Variants in GPHN observed in about 807,000 individuals in gnomAD.
GPHN encodes gephyrin.
In GPHN, 17 loss-of-function variants were observed where a neutral mutation model predicts 95.5. The observed-to-expected ratio is 0.18, with a 90% CI of 0.12 to 0.27. GPHN has a LOEUF of 0.27. GPHN is among the 10% of genes least tolerant of loss of function. GPHN has a pLI of 1.00. For synonymous variants in GPHN, 320 were observed against 322.5 expected, an observed-to-expected ratio of 0.99 and a Z score of 0.08; for missense variants, 660 against 978.1, an observed-to-expected ratio of 0.67 and a Z score of 4.34.
intron 1 of GPHN, among the ~76,000 whole-genome samples, chr14:66,594,296 C>T (rs1457465006): frequency 7.4e-6 from 1 of 135,728 alleles, no homozygotes; most frequent in Non-Finnish European, 1.5e-5. Context: ...GACATATTCC[C>T]CAGAAATAGA....
chr14:67,391,111 A>G, the GPHN span, among the ~76,000 whole-genome samples: 1 of 152,206 alleles, frequency 6.6e-6, no homozygotes, highest in Non-Finnish European at 1.5e-5. Flanking sequence ...GCACCAGCTA[A>G]GGGCCAAGTC....
At chr14:67,463,638 CAAAAAAA>C in the GPHN span, among the ~76,000 whole-genome samples, 1 of 54,862 alleles carries the variant, frequency 1.8e-5, no homozygotes, top group East Asian at 6.7e-4. Flanking sequence ...GACTCCGTCT[CAAAAAAA>C]AAAAAAAAAA....
the GPHN span, among the ~76,000 whole-genome samples, chr14:67,432,847 G>A: frequency 6.6e-6 from 1 of 152,234 alleles, no homozygotes; most frequent in Non-Finnish European, 1.5e-5. Context: ...GTGGTCGCAT[G>A]TGGTGTTTTC....
chr14:66,750,625 G>C (rs1449693520), intron 2 of GPHN, among the ~76,000 whole-genome samples: 1 of 151,720 alleles, frequency 6.6e-6, no homozygotes, highest in African/African-American at 2.4e-5. Context: ...TTAATTTTTT[G>C]GTAGCAGGAA....
the GPHN span, chr14:67,656,597 A>T: frequency 6.3e-7 from 1 of 1,592,934 alleles, no homozygotes; most frequent in South Asian, 1.1e-5. Context: ...ATTCTGAAAG[A>T]AGTATGGAAG....
intron 18 of GPHN, among the ~76,000 whole-genome samples, chr14:67,156,370 A>G (rs1447288528): frequency 6.6e-6 from 1 of 152,188 alleles, no homozygotes; most frequent in Admixed American, 6.5e-5. Context: ...TATACACACA[A>G]TAGCATGAAA....
intron 13 of GPHN, among the ~76,000 whole-genome samples, chr14:67,101,723 C>CTT (rs1180706876): frequency 6.6e-6 from 1 of 151,580 alleles, no homozygotes; most frequent in Non-Finnish European, 1.5e-5. Flanking sequence ...ATTTTACACT[C>CTT]TTTTAGTTTC....
At chr14:67,432,406 C>T in the GPHN span, among the ~76,000 whole-genome samples, 3 of 152,220 alleles carry the variant, frequency 2.0e-5, no homozygotes, top group Admixed American at 1.3e-4. Flanking sequence ...ATAAATAGTT[C>T]GCCTTCTGCA....
intron 9 of GPHN, chr14:66,985,601 A>G (rs1208313071): frequency 1.2e-6 from 1 of 834,790 alleles, no homozygotes. Context: ...TTTTGCATGT[A>G]TTACTTACTA....
At chr14:67,136,592 C>T (rs898130214) in intron 17 of GPHN, among the ~76,000 whole-genome samples, 1 of 152,034 alleles carries the variant, frequency 6.6e-6, no homozygotes, top group African/African-American at 2.4e-5. Flanking sequence ...TCCAAATGTC[C>T]TCATTTTATA....
the GPHN span, among the ~76,000 whole-genome samples, chr14:67,590,960 G>GA: frequency 6.6e-6 from 1 of 151,836 alleles, no homozygotes; most frequent in African/African-American, 2.4e-5. Context: ...TGTAAATATT[G>GA]AAAAATGTTT....
intron 10 of GPHN, among the ~76,000 whole-genome samples, chr14:67,056,234 G>A (rs555126400): frequency 1.5e-4 from 23 of 152,142 alleles, no homozygotes; most frequent in Middle Eastern, 3.4e-3. Flanking sequence ...TGATTGGTGC[G>A]TTTACAAACC....
chr14:67,490,816 T>C, the GPHN span, among the ~76,000 whole-genome samples: 1 of 152,032 alleles, frequency 6.6e-6, no homozygotes, highest in Admixed American at 6.5e-5. Context: ...CAAATCTCCC[T>C]GTAAAGGAAA....
the GPHN span, among the ~76,000 whole-genome samples, chr14:67,462,854 C>T: frequency 1.1e-4 from 16 of 152,252 alleles, 1 homozygote; most frequent in Admixed American, 9.1e-4. Context: ...CCATCCTTGG[C>T]CTGGGGAGAA....
the GPHN span, among the ~76,000 whole-genome samples, chr14:67,485,343 G>T: frequency 1.2e-4 from 19 of 152,274 alleles, no homozygotes; most frequent in African/African-American, 4.6e-4. Context: ...CACTTCCTGA[G>T]AAACTCTCCA....
At chr14:67,582,189 G>A in the GPHN span, 5 of 1,613,606 alleles carry the variant, frequency 3.1e-6, no homozygotes, top group Non-Finnish European at 4.2e-6. This position sits in a 1 kb window ranked among gnomAD's most constrained non-coding sequence, Gnocchi z 5.0. Flanking sequence ...TGGCTCTTGA[G>A]ATGGCTGCCC....
chr14:66,678,221 A>G (rs1441121326), intron 1 of GPHN, among the ~76,000 whole-genome samples: 1 of 152,124 alleles, frequency 6.6e-6, no homozygotes, highest in Non-Finnish European at 1.5e-5. Context: ...AATTCACAAA[A>G]TGTGAATATT....
At chr14:67,191,562 G>T in the GPHN span, among the ~76,000 whole-genome samples, 2 of 152,104 alleles carry the variant, frequency 1.3e-5, no homozygotes, top group African/African-American at 4.8e-5. Context: ...AAAATTTCCA[G>T]ATGACTGCAT....
chr14:67,524,250 G>T, the GPHN span, among the ~76,000 whole-genome samples: 2 of 152,120 alleles, frequency 1.3e-5, no homozygotes, highest in Non-Finnish European at 2.9e-5. Context: ...ACCAAACCTG[G>T]CTCTGTTTTT....
Sources: allele counts gnomAD v4.1 joint callset (sites outside exome capture counted in the v4.1 genomes callset), GRCh38; gene constraint gnomAD v4.1.1; non-coding constraint Gnocchi (gnomAD v3.1); transcripts MANE v1.5; gene names NCBI Gene and HGNC (gene_info 2026-07-23, HGNC 2026-07-21).